Variants in LSS observed in about 807,000 individuals in gnomAD.
LSS encodes lanosterol synthase, also known as 2,3-epoxysqualene-lanosterol cyclase.
LSS carries 90 observed loss-of-function variants against 110.3 expected under a neutral mutation model. The observed-to-expected ratio is 0.82, with a 90% CI of 0.69 to 0.97. LSS has a LOEUF of 0.97. Among genes scored for constraint, LSS ranks in the 50% least tolerant of loss-of-function variants. The pLI is 0.00. For synonymous variants in LSS, 433 were observed against 400.0 expected, an observed-to-expected ratio of 1.08 and a Z score of -0.98; for missense variants, 927 against 990.0, an observed-to-expected ratio of 0.94 and a Z score of 0.85.
rs1211889662 is a variant in LSS at position 46,191,205 on chromosome 21, A to T, written c.2098T>A (p.Cys700Ser). The T allele has an allele frequency of 1.9e-6, 3 of 1,614,124 alleles. No homozygotes were observed. The Admixed American group carries it at 5.0e-5, about 27-fold the overall frequency. ...CTGTAGCTCGTGTAGGAGATGGCAC[A>T]GGACTTGTTGAAGACCCCAGCAATG... The part of the protein sequence containing the change: ...ENIAGVFNKS[C>S]AISYTSYRNI... Residue 700 changes from cysteine to serine, a missense_variant, in exon 22 of 22, where the codon TGT (cysteine) becomes AGT (serine). By Grantham distance (112) the Cys-to-Ser change is moderately radical. Transcript: ENST00000397728.
At position 46,201,922 on chromosome 21, in the gene LSS, C is replaced by T. The variant is rs377234194; in HGVS notation, c.1670+3914G>A. 1.4e-3 allele frequency among the ~76,000 whole-genome samples: 204 copies of T among 150,426 alleles called. 5 individuals are homozygous for T. In the East Asian group the frequency reaches 0.036, roughly 26 times the overall value. ...ACGCCATTCTCCTGCCTCAGCCTCC[C>T]GAGTAGCTGGGACTACAAGCGCCCG... On this transcript the variant is annotated intron_variant, in intron 17 of 21. Transcript: ENST00000397728.
At chr21:46,197,816 G>A (rs986338036) in intron 17 of LSS, among the ~76,000 whole-genome samples, 1 of 151,870 alleles carries the variant, frequency 6.6e-6, no homozygotes. Flanking sequence ...GTGAATCCGG[G>A]AGGCAGAGCT....
intron 3 of LSS, among the ~76,000 whole-genome samples, chr21:46,225,751 G>A (rs2080331611): frequency 6.6e-6 from 1 of 152,108 alleles, no homozygotes; most frequent in African/African-American, 2.4e-5. Flanking sequence ...TGCCAGGCAG[G>A]GAAGAGCCCA....
At chr21:46,206,578 C>T (rs2080051391) in intron 16 of LSS, 94 bp downstream of exon 16, 2 of 1,102,208 alleles carry the variant, frequency 1.8e-6, no homozygotes, top group Admixed American at 1.7e-5. Context: ...CCCTTGCAGC[C>T]TCGGGCAAGG....
chr21:46,216,255 G>A lies in LSS; in HGVS notation c.783+134C>T, dbSNP rs2080204972. 1 of 1,079,532 alleles carries A rather than the reference G, an allele frequency of 9.3e-7. No individual in the cohort carries two copies. Among genetic ancestry groups the A allele is most frequent in the South Asian group, 1.4e-5 (1 of 73,092 alleles). 66.9% of individuals were successfully genotyped at this position (1,079,532 alleles called of 1,614,324 possible). ...TTATTATAGGATGGAGGAAGGTGGA[G>A]GCTCTGCTCCACAGGGCTCTCCGCT... On this transcript the variant is annotated intron_variant, in intron 7 of 21. Transcript: ENST00000397728. This position sits in a 1 kb window ranked among gnomAD's most constrained non-coding sequence, Gnocchi z 4.2.
intron 3 of LSS, 165 bp downstream of exon 3, chr21:46,227,387 G>C (rs901176116): frequency 2.5e-6 from 2 of 789,108 alleles, no homozygotes; most frequent in African/African-American, 3.5e-5. Flanking sequence ...TGATCCCCTA[G>C]ACCAATAGCA....
chr21:46,201,504 C>A (rs1225963637), intron 17 of LSS, among the ~76,000 whole-genome samples: 1 of 96,710 alleles, frequency 1.0e-5, no homozygotes, highest in African/African-American at 4.3e-5. Flanking sequence ...GGTCATGAAG[C>A]CCTGAGGGTA....
At chr21:46,205,812 C>A in intron 17 of LSS, 24 bp downstream of exon 17, 4 of 1,573,616 alleles carry the variant, frequency 2.5e-6, no homozygotes, top group Non-Finnish European at 1.7e-6. Flanking sequence ...AGCGCCCACA[C>A]TGAATGGCTG....
chr21:46,202,696 C>T (rs1397764645), intron 17 of LSS, among the ~76,000 whole-genome samples: 1 of 152,034 alleles, frequency 6.6e-6, no homozygotes, highest in Non-Finnish European at 1.5e-5. Flanking sequence ...CCAGCCTGAG[C>T]AACATTTAAA....
rs570700718 is a variant in LSS, at chr21:46,191,893, G to A, written c.2055C>T (p.Gly685=). ...RCLLEKQLPN[G]DWPQENIAGV... ...CCTGGCGGCATACCTGCGGCCAGTC[G>A]CCATTGGGGAGCTGTTTCTCAAGTA... is the stretch of plus-strand genomic sequence containing the variant. Residue 685 remains glycine, a synonymous_variant, in exon 21 of 22, where the codon GGC becomes GGT. Coordinates refer to ENST00000397728, the MANE Select transcript of LSS (RefSeq NM_002340.6). 78 of 1,613,220 alleles carry A rather than the reference G, an allele frequency of 4.8e-5. No individual in the cohort carries two copies. The highest frequency in any genetic ancestry group is 1.7e-4 in the Middle Eastern group (1 of 6,060).
intron 19 of LSS, 142 bp from the exon 20 acceptor site, chr21:46,194,803 T>G: frequency 1.4e-6 from 1 of 736,170 alleles, no homozygotes; most frequent in Non-Finnish European, 2.2e-6. Context: ...GGGCCACTAC[T>G]GAAACCCGAG....
intron 6 of LSS, 46 bp downstream of exon 6, chr21:46,219,430 C>A: frequency 1.4e-6 from 2 of 1,434,006 alleles, no homozygotes; most frequent in Non-Finnish European, 1.9e-6. Context: ...CTCTACTCCC[C>A]GGGACAGCAG....
intron 17 of LSS, among the ~76,000 whole-genome samples, chr21:46,197,886 AAAAAAAAAAACAAAAAAC>A (rs1353837464): frequency 2.0e-5 from 3 of 150,294 alleles, no homozygotes; most frequent in Non-Finnish European, 4.5e-5. Flanking sequence ...CTCTGTCTCA[AAAAAAAAAAACAAAAAAC>A]AAAAAACAAC....
chr21:46,202,886 A>G (rs2079997559), intron 17 of LSS, among the ~76,000 whole-genome samples: 1 of 152,184 alleles, frequency 6.6e-6, no homozygotes, highest in Admixed American at 6.5e-5. Context: ...CAAACAAATA[A>G]ACAAAAAAAG....
intron 3 of LSS, 78 bp downstream of exon 3, chr21:46,227,474 C>T: frequency 6.4e-7 from 1 of 1,557,330 alleles, no homozygotes; most frequent in Non-Finnish European, 8.7e-7. Context: ...TTCATCAAAA[C>T]CCTAGACCAG....
intron 17 of LSS, among the ~76,000 whole-genome samples, chr21:46,197,727 A>C (rs1429046993): frequency 1.3e-5 from 2 of 152,158 alleles, no homozygotes; most frequent in Non-Finnish European, 2.9e-5. Context: ...GTCTCTACTA[A>C]AAATACAAAA....
At position 46,215,773 on chromosome 21, in the gene LSS, G is replaced by A. The variant is rs772376573; in HGVS notation, c.804C>T (p.Phe268=). 1.3e-5 allele frequency: 21 copies of A among 1,611,880 alleles called. No individual in the cohort carries two copies. Among genetic ancestry groups the A allele is most frequent in the African/African-American group, 1.2e-4 (9 of 74,858 alleles). Residue 268 remains phenylalanine, a synonymous_variant, in exon 8 of 22, where the codon TTC becomes TTT. Coordinates refer to ENST00000397728, the MANE Select transcript of LSS (RefSeq NM_002340.6). ...SLRQELYVED[F]ASIDWLAQRN... ...TCTGCGCCAGCCAGTCAATGCTGGC[G>A]AAGTCCTCCACATAGAGCTCCTGGT...
chr21:46,208,185 G>T, intron 14 of LSS, 66 bp downstream of exon 14: 1 of 1,468,224 alleles, frequency 6.8e-7, no homozygotes, highest in Non-Finnish European at 9.3e-7. Context: ...CAGAGGGAAG[G>T]ACCCACCCTG....
chr21:46,213,333 A>G (rs532442910), intron 10 of LSS, among the ~76,000 whole-genome samples: 1 of 152,330 alleles, frequency 6.6e-6, no homozygotes, highest in South Asian at 2.1e-4. Context: ...GCCCTCGTGC[A>G]GTGCTGAGGC....
Sources: gnomAD v4.1 joint callset for allele counts (sites outside exome capture counted in the v4.1 genomes callset) on GRCh38, gnomAD v4.1.1 for gene constraint, Gnocchi (gnomAD v3.1) non-coding constraint, MANE v1.5 for transcripts, NCBI Gene and HGNC (gene_info 2026-07-23, HGNC 2026-07-21) for gene names.